Variants in RIN2 observed in about 807,000 individuals in gnomAD.
The protein encoded by RIN2 is RAB5 interacting protein 2.
A neutral mutation model predicts 78.0 loss-of-function variants in RIN2; 36 were observed. The ratio of observed to expected loss-of-function variants is 0.46; its 90% CI spans 0.35 to 0.61. The LOEUF (loss-of-function observed/expected upper bound fraction) is 0.61, where lower values mean the gene tolerates loss of function less well. Among genes scored for constraint, RIN2 ranks in the 20% least tolerant of loss-of-function variants. The pLI, the probability that RIN2 is intolerant of heterozygous loss-of-function variation, is 0.00. For synonymous variants in RIN2, 466 were observed against 466.8 expected (o/e 1.00, Z 0.02); for missense variants, 1,087 against 1,159.7 (o/e 0.94, Z 0.91).
intron 2 of RIN2, among the ~76,000 whole-genome samples, chr20:19,817,655 T>C (rs2035804299): frequency 6.6e-6 from 1 of 152,226 alleles, no homozygotes; most frequent in Admixed American, 6.5e-5. Context: ...TTTTGTATAA[T>C]TTTGATGAAA....
At chr20:19,835,158 G>GGAAGGAAT (rs2036384685) in intron 2 of RIN2, among the ~76,000 whole-genome samples, 1 of 149,922 alleles carries the variant, frequency 6.7e-6, no homozygotes, top group Non-Finnish European at 1.5e-5. Flanking sequence ...AAGGAAGGAA[G>GGAAGGAAT]GAATGAAGGG....
intron 3 of RIN2, among the ~76,000 whole-genome samples, chr20:19,897,243 T>C (rs968651337): frequency 1.3e-5 from 2 of 152,150 alleles, no homozygotes; most frequent in African/African-American, 2.4e-5. Context: ...GTAGCTGGGA[T>C]TACAGATGAA....
At chr20:19,925,794 A>T (rs947455019) in intron 3 of RIN2, among the ~76,000 whole-genome samples, 6 of 152,250 alleles carry the variant, frequency 3.9e-5, no homozygotes, top group African/African-American at 9.6e-5. Context: ...GCAGAAGGGC[A>T]CAGCCACCCG....
At chr20:19,889,768 C>G in intron 3 of RIN2, 110 bp downstream of exon 3, 1 of 831,210 alleles carries the variant, frequency 1.2e-6, no homozygotes, top group Non-Finnish European at 1.8e-6. Context: ...GAGCCAGCAC[C>G]GGCTAAGGGA....
intron 2 of RIN2, among the ~76,000 whole-genome samples, chr20:19,824,697 C>T (rs1368254016): frequency 6.6e-6 from 1 of 152,110 alleles, no homozygotes; most frequent in Non-Finnish European, 1.5e-5. Flanking sequence ...GAGAGATTTT[C>T]CTGAGTTCTG....
intron 4 of RIN2, among the ~76,000 whole-genome samples, chr20:19,943,890 G>A (rs375599072): frequency 9.2e-4 from 139 of 151,408 alleles, no homozygotes; most frequent in Non-Finnish European, 1.3e-3. Flanking sequence ...GGGTCCTGCC[G>A]TGTCCAGAAT....
intron 2 of RIN2, among the ~76,000 whole-genome samples, chr20:19,810,359 G>T (rs1427061802): frequency 6.6e-6 from 1 of 152,046 alleles, no homozygotes; most frequent in African/African-American, 2.4e-5. Flanking sequence ...AGTGAGCTGA[G>T]ATTGTGCCAC....
At chr20:19,810,683 CTTTTTTTTTTTTTTT>C (rs535994979) in intron 2 of RIN2, among the ~76,000 whole-genome samples, 3 of 99,628 alleles carry the variant, frequency 3.0e-5, no homozygotes, top group Non-Finnish European at 6.0e-5. Context: ...TTATAAGGTA[CTTTTTTTTTTTTTTT>C]TTTTTTTTTT....
chr20:19,871,338 C>T (rs1009522804), intron 2 of RIN2, among the ~76,000 whole-genome samples: 10 of 152,126 alleles, frequency 6.6e-5, no homozygotes, highest in African/African-American at 1.9e-4. Flanking sequence ...GAGGCCAAGA[C>T]GGGGCTTCAC....
chr20:19,767,320 G>A (rs1294421299), intron 1 of RIN2, among the ~76,000 whole-genome samples: 1 of 152,224 alleles, frequency 6.6e-6, no homozygotes, highest in Admixed American at 6.5e-5. Flanking sequence ...GACCCTCTCC[G>A]GAATGCTCTT....
At chr20:19,995,255 T>A (rs1394750757) in intron 11 of RIN2, among the ~76,000 whole-genome samples, 1 of 141,788 alleles carries the variant, frequency 7.1e-6, no homozygotes, top group African/African-American at 2.9e-5. Flanking sequence ...GTGTCTGTTT[T>A]TTTTTTAAAA....
intron 3 of RIN2, among the ~76,000 whole-genome samples, chr20:19,919,501 T>A (rs2079004187): frequency 6.6e-6 from 1 of 152,152 alleles, no homozygotes; most frequent in South Asian, 2.1e-4. Context: ...GTGTGTGTTA[T>A]CATTAATAGT....
intron 3 of RIN2, among the ~76,000 whole-genome samples, chr20:19,902,422 C>T (rs1007290143): frequency 3.9e-5 from 6 of 152,194 alleles, no homozygotes; most frequent in East Asian, 1.9e-4. Flanking sequence ...TGTCCCTCAC[C>T]GCTGTCCTTT....
At position 19,957,398 on chromosome 20, in the gene RIN2, C is replaced by T. The variant is rs115886344; in HGVS notation, c.351+591C>T. Among the ~76,000 whole-genome samples the T allele has an allele frequency of 2.4e-3, 362 of 152,308 alleles. 1 individual carries two copies. Among genetic ancestry groups the T allele is most frequent in the African/African-American group, 8.4e-3 (349 of 41,578 alleles). ...AGGTCCTCAAAAAAGTGACTGGAGC[C>T]GGGCACGGTGGCTCACGCCTGTAAT... On this transcript the variant is annotated intron_variant, in intron 5 of 12. Transcript: ENST00000255006.
chr20:19,940,138 C>T (rs894864503), intron 4 of RIN2, among the ~76,000 whole-genome samples: 10 of 152,296 alleles, frequency 6.6e-5, no homozygotes, highest in Admixed American at 3.9e-4. Flanking sequence ...AAGCGTGTGC[C>T]ACCACACCTG....
intron 2 of RIN2, among the ~76,000 whole-genome samples, chr20:19,846,522 C>T (rs560931695): frequency 6.6e-6 from 1 of 152,204 alleles, no homozygotes; most frequent in African/African-American, 2.4e-5. Flanking sequence ...ATTTGGCTCT[C>T]TATTATTGGT....
intron 2 of RIN2, among the ~76,000 whole-genome samples, chr20:19,811,599 A>G (rs987299745): frequency 2.0e-5 from 3 of 152,152 alleles, no homozygotes; most frequent in Non-Finnish European, 2.9e-5. Context: ...GCAAGGAACT[A>G]ATTTGTAGCT....
intron 1 of RIN2, among the ~76,000 whole-genome samples, chr20:19,779,710 TGAG>T (rs894787147): frequency 2.0e-5 from 3 of 152,204 alleles, no homozygotes; most frequent in Non-Finnish European, 4.4e-5. Context: ...TTGAACACTT[TGAG>T]ATTTTCTAAA....
intron 2 of RIN2, among the ~76,000 whole-genome samples, chr20:19,810,704 T>C (rs1308169140): frequency 7.6e-6 from 1 of 131,304 alleles, no homozygotes; most frequent in Non-Finnish European, 1.6e-5. Flanking sequence ...TTTTTTTTTT[T>C]TTTTTGAGAC....
Sources: gnomAD v4.1 joint callset for allele counts (sites outside exome capture counted in the v4.1 genomes callset) on GRCh38, gnomAD v4.1.1 for gene constraint, MANE v1.5 for transcripts, NCBI Gene and HGNC (gene_info 2026-07-23, HGNC 2026-07-21) for gene names.